The following ACTR2 variants were observed in gnomAD, a reference collection of about 807,000 sequenced individuals.
The protein encoded by ACTR2 is actin related protein 2.
A neutral mutation model predicts 50.2 loss-of-function variants in ACTR2; 5 were observed. That is an observed-to-expected ratio of 0.10 (90% confidence interval 0.05 to 0.21). The LOEUF is 0.21. Ranked by LOEUF, ACTR2 falls within the 10% of genes least tolerant of loss-of-function variation. The pLI, the probability that ACTR2 is intolerant of heterozygous loss-of-function variation, is 1.00. For missense variants in ACTR2, 180 were observed against 480.6 expected, an observed-to-expected ratio of 0.37 and a Z score of 5.85; for synonymous variants, 140 against 162.9, an observed-to-expected ratio of 0.86 and a Z score of 1.07.
Position 65,269,792 on chromosome 2 carries a change from C to G in ACTR2, c.*1058C>G, listed in dbSNP as rs1024746065. 4 of 152,120 alleles carry G rather than the reference C, an allele frequency of 2.6e-5. No individual in the cohort carries two copies. The highest frequency in any genetic ancestry group is 9.7e-5 in the African/African-American group (4 of 41,398). 9.4% of individuals were successfully genotyped at this position (152,120 alleles called of 1,614,324 possible). Reference sequence around the variant, plus strand: ...GTTATAATTGGTGGTTTAAAAATAACATTGGAATACAGGACTTGTTGCCAA... The same window carrying G: ...GTTATAATTGGTGGTTTAAAAATAAGATTGGAATACAGGACTTGTTGCCAA... On this transcript the variant is annotated 3_prime_UTR_variant, in exon 9 of 9. Transcript: ENST00000260641.
At chr2:65,238,213 AT>A (rs1013212767) in intron 1 of ACTR2, among the ~76,000 whole-genome samples, 1 of 152,118 alleles carries the variant, frequency 6.6e-6, no homozygotes, top group Non-Finnish European at 1.5e-5. Context: ...AAAGCTCTTG[AT>A]TCTCTCAAGT....
chr2:65,247,117 G>T (rs1671951983), intron 3 of ACTR2, among the ~76,000 whole-genome samples: 1 of 151,974 alleles, frequency 6.6e-6, no homozygotes, highest in Non-Finnish European at 1.5e-5. Context: ...TGATCCAGTT[G>T]ACCCATGAGC....
intron 1 of ACTR2, among the ~76,000 whole-genome samples, chr2:65,229,505 C>T (rs1050216273): frequency 6.6e-6 from 1 of 152,016 alleles, no homozygotes; most frequent in Non-Finnish European, 1.5e-5. Context: ...CCTGTAATCC[C>T]AGCACTTTGG....
At chr2:65,236,297 C>G (rs1671737342) in intron 1 of ACTR2, among the ~76,000 whole-genome samples, 1 of 150,290 alleles carries the variant, frequency 6.7e-6, no homozygotes, top group East Asian at 2.0e-4. Context: ...GATGACGTCA[C>G]TGCACTCCAG....
At chr2:65,265,565 A>G (rs1186441480) in intron 8 of ACTR2, among the ~76,000 whole-genome samples, 1 of 152,172 alleles carries the variant, frequency 6.6e-6, no homozygotes, top group African/African-American at 2.4e-5. Context: ...GGGCTATCTC[A>G]TATTTCTGAC....
intron 4 of ACTR2, among the ~76,000 whole-genome samples, chr2:65,252,788 G>C (rs1672078448): frequency 6.6e-6 from 1 of 152,156 alleles, no homozygotes. Flanking sequence ...AGGCAACATA[G>C]TGAGATCCCT....
At position 65,238,718 on chromosome 2, in the gene ACTR2, A is replaced by C. The variant is rs1299030522; in HGVS notation, c.49-1134A>C. On this transcript the variant is annotated intron_variant, in intron 1 of 8. Coordinates refer to ENST00000260641, the MANE Select transcript of ACTR2 (RefSeq NM_005722.4). ...GCGGTGACTCAACGCCTGCAATCCCAGCACTTTGGGAGGCCGAGGTGGGCA... is the reference window on the plus strand; with the variant it reads ...GCGGTGACTCAACGCCTGCAATCCCCGCACTTTGGGAGGCCGAGGTGGGCA... Among the ~76,000 whole-genome samples the C allele has an allele frequency of 2.6e-5, 4 of 151,606 alleles. No individual in the cohort carries two copies. The East Asian group carries it at 7.7e-4, about 29-fold the overall frequency.
intron 1 of ACTR2, among the ~76,000 whole-genome samples, chr2:65,230,970 C>T (rs1367786361): frequency 6.6e-6 from 1 of 151,418 alleles, no homozygotes; most frequent in African/African-American, 2.4e-5. Context: ...AGGAGAATTA[C>T]TTGTACCTGG....
chr2:65,246,899 A>G (rs982341006), intron 3 of ACTR2, among the ~76,000 whole-genome samples, 160 bp downstream of exon 3: 4 of 152,102 alleles, frequency 2.6e-5, no homozygotes, highest in African/African-American at 9.7e-5. Flanking sequence ...CTAAGTAGGA[A>G]AGTAGGATAG....
At chr2:65,252,558 T>C (rs909166506) in intron 4 of ACTR2, among the ~76,000 whole-genome samples, 1 of 151,988 alleles carries the variant, frequency 6.6e-6, no homozygotes, top group African/African-American at 2.4e-5. Flanking sequence ...GGCGGGAGAA[T>C]CGCTTGAACC....
At position 65,265,267 on chromosome 2, in the gene ACTR2, G is replaced by A. The variant is rs765548273; in HGVS notation, c.1014+92G>A. On this transcript the variant is annotated intron_variant, in intron 8 of 8. Transcript: ENST00000260641. ...TGACAACCACCAGAGGGAGCAAGACGTCTTCCAAAACAAATTCCTACTGCA... is the reference window on the plus strand; with the variant it reads ...TGACAACCACCAGAGGGAGCAAGACATCTTCCAAAACAAATTCCTACTGCA... The A allele has an allele frequency of 5.1e-5, 74 of 1,453,254 alleles. 1 individual carries two copies. The Middle Eastern group carries it at 8.7e-4, about 17-fold the overall frequency. The allele number at this position is 1,453,254 out of a possible 1,614,324, so 90.0% of individuals were successfully genotyped here.
At chr2:65,230,631 G>C (rs979923140) in intron 1 of ACTR2, among the ~76,000 whole-genome samples, 1 of 151,852 alleles carries the variant, frequency 6.6e-6, no homozygotes, top group Non-Finnish European at 1.5e-5. Context: ...GGCTGGTCTT[G>C]AACTCCTGGG....
Position 65,271,040 on chromosome 2 carries a change from T to C in ACTR2, c.*2306T>C, listed in dbSNP as rs774777808. On this transcript the variant is annotated 3_prime_UTR_variant, in exon 9 of 9. Coordinates refer to ENST00000260641, the MANE Select transcript of ACTR2 (RefSeq NM_005722.4). The stretch of plus-strand genomic sequence containing the variant: ...CTTCTACATTTGAGAAGGGTTTTTT[T>C]AGAAATACATTTAGTAAAGTCCCCA... The C allele has an allele frequency of 2.6e-5, 4 of 152,344 alleles. No homozygotes were observed. The highest frequency in any genetic ancestry group is 6.8e-3 in the Middle Eastern group (2 of 294). The allele number at this position is 152,344 out of a possible 1,614,324, so 9.4% of individuals were successfully genotyped here.
At position 65,242,081 on chromosome 2, in the gene ACTR2, C is replaced by G. The variant is rs776164693; in HGVS notation, c.159+2119C>G. On this transcript the variant is annotated intron_variant, in intron 2 of 8. Transcript: ENST00000260641. ...AAAAGATGGTAAGTGAGGTTACACA[C>G]ATGCTCTGTTTGTTTTCCACTTTTG... 3.8e-6 allele frequency: 6 copies of G among 1,574,786 alleles called. No individual in the cohort carries two copies. The Admixed American group carries it at 1.0e-4, about 26-fold the overall frequency.
At chr2:65,251,724 C>A (rs539405714) in intron 4 of ACTR2, among the ~76,000 whole-genome samples, 1 of 152,010 alleles carries the variant, frequency 6.6e-6, no homozygotes, top group African/African-American at 2.4e-5. Flanking sequence ...AAAAAAAATA[C>A]GCAGAGATTC....
At position 65,251,057 on chromosome 2, in the gene ACTR2, G is replaced by A. The variant is rs748842331; in HGVS notation, c.406G>A (p.Val136Ile). ...GTTTGAAACTTACCAGTTTTCCGGT[G>A]TATATGTAGCCATCCAGGCAGTTCT... Reference protein sequence around the residue: ...VMFETYQFSGVYVAIQAVLTL... With the variant: ...VMFETYQFSGIYVAIQAVLTL... The change falls in exon 4 of 9, where the codon GTA becomes ATA. Residue 136 changes from valine (V) to isoleucine (I), a missense_variant. Val to Ile is a conservative substitution (Grantham distance 29). Transcript: ENST00000260641. 7.5e-6 allele frequency: 12 copies of A among 1,607,560 alleles called. No individual in the cohort carries two copies.
chr2:65,249,088 G>A (rs981098135), intron 3 of ACTR2, among the ~76,000 whole-genome samples: 1 of 152,142 alleles, frequency 6.6e-6, no homozygotes, highest in African/African-American at 2.4e-5. Flanking sequence ...GAGAGAGCAA[G>A]AGAGCTATGA....
rs1389918223 is a variant in ACTR2, at chr2:65,269,242, C to T, written c.*508C>T. ...TGCTGCAGCTTTAAGTACCTTAAAG[C>T]TTCTCCTGTGAACTTCTTAGGGAAA... On this transcript the variant is annotated 3_prime_UTR_variant, in exon 9 of 9. Coordinates refer to ENST00000260641, the MANE Select transcript of ACTR2 (RefSeq NM_005722.4). 1 of 151,340 alleles carries T rather than the reference C, an allele frequency of 6.6e-6. No individual in the cohort carries two copies. The highest frequency in any genetic ancestry group is 2.4e-5 in the African/African-American group (1 of 41,028). The allele number at this position is 151,340 out of a possible 1,614,324, so 9.4% of individuals were successfully genotyped here.
chr2:65,261,312 G>C lies in ACTR2; in HGVS notation c.801G>C (p.Gln267His). 6.2e-7 allele frequency: 1 copy of C among 1,614,062 alleles called. No individual in the cohort carries two copies. Among genetic ancestry groups the C allele is most frequent in the Non-Finnish European group, 8.5e-7 (1 of 1,179,992 alleles). The part of the protein sequence containing the change: ...ERFEAPEALF[Q>H]PHLINVEGVG... ...TTGAAGCACCAGAAGCTTTATTTCAGCCTCACTTGATCAATGTTGAAGGAG... is the reference window on the plus strand; with the variant it reads ...TTGAAGCACCAGAAGCTTTATTTCACCCTCACTTGATCAATGTTGAAGGAG... Residue 267 changes from glutamine to histidine, a missense_variant, in exon 7 of 9, where the codon CAG becomes CAC. Physicochemically the swap from Gln to His is conservative, Grantham distance 24. Coordinates refer to ENST00000260641, the MANE Select transcript of ACTR2 (RefSeq NM_005722.4).
Sources: gnomAD v4.1 joint callset for allele counts (sites outside exome capture counted in the v4.1 genomes callset) on GRCh38, gnomAD v4.1.1 for gene constraint, MANE v1.5 for transcripts, NCBI Gene and HGNC (gene_info 2026-07-23, HGNC 2026-07-21) for gene names.